Variants in SIK3 observed in about 807,000 individuals in gnomAD.
The protein encoded by SIK3 is serine/threonine-protein kinase SIK3.
SIK3 carries 28 observed loss-of-function variants against 144.2 expected under a neutral mutation model. That is an observed-to-expected ratio of 0.19 (90% CI 0.14 to 0.27). The LOEUF is 0.27. Among genes scored for constraint, SIK3 ranks in the 10% least tolerant of loss-of-function variants. The pLI, the probability that SIK3 is intolerant of heterozygous loss-of-function variation, is 1.00. For missense variants in SIK3, 1,319 were observed against 1,776.0 expected (o/e 0.74, Z 4.62); for synonymous variants, 686 against 676.3 (o/e 1.01, Z -0.22).
chr11:116,977,224 C>A (rs1385627861), intron 1 of SIK3, among the ~76,000 whole-genome samples: 2 of 141,874 alleles, frequency 1.4e-5, no homozygotes, highest in Non-Finnish European at 3.1e-5. Context: ...TCCTCCCTCC[C>A]TCCCTCCCTC....
intron 21 of SIK3, among the ~76,000 whole-genome samples, chr11:116,854,582 C>T (rs899273985): frequency 6.6e-6 from 1 of 152,130 alleles, no homozygotes; most frequent in African/African-American, 2.4e-5. Context: ...ACAGCACCTA[C>T]AGTAGAGTCT....
chr11:117,024,515 C>A (rs1484622794), intron 1 of SIK3, among the ~76,000 whole-genome samples: 1 of 152,094 alleles, frequency 6.6e-6, no homozygotes, highest in African/African-American at 2.4e-5. Context: ...TGTAAGCCTG[C>A]AACAGCTGTA....
intron 3 of SIK3, among the ~76,000 whole-genome samples, chr11:116,934,910 T>C (rs1947827168): frequency 6.6e-6 from 1 of 152,190 alleles, no homozygotes. Flanking sequence ...TGAAACCTCA[T>C]TTCTACTCAA....
intron 1 of SIK3, among the ~76,000 whole-genome samples, chr11:117,013,955 A>T (rs968932469): frequency 0.17 from 1,551 of 9,094 alleles, no homozygotes; most frequent in Non-Finnish European, 0.2. Context: ...TGTGTGTTTT[A>T]TTTCTTTTTT....
intron 1 of SIK3, among the ~76,000 whole-genome samples, chr11:116,963,099 G>A (rs980422743): frequency 6.6e-6 from 1 of 152,102 alleles, no homozygotes; most frequent in South Asian, 2.1e-4. Context: ...AAGTTACAAG[G>A]CTCTCAATGC....
Position 117,098,270 on chromosome 11 carries a change from C to G in SIK3, c.146G>C (p.Arg49Pro). The G allele has an allele frequency of 7.3e-7, 1 of 1,368,508 alleles. No individual in the cohort carries two copies. Among genetic ancestry groups the G allele is most frequent in the Non-Finnish European group, 9.5e-7 (1 of 1,051,484 alleles). The allele number at this position is 1,368,508 out of a possible 1,614,324, so 84.8% of individuals were successfully genotyped here. A position where few individuals can be genotyped will look rare whatever the true frequency, so the allele number is the denominator to read the frequency against. ...AAVSPAAGQP[R>P]PPAPASRGPM... The stretch of plus-strand genomic sequence containing the variant: ...TCCGCGGGAGGCCGGGGCTGGGGGA[C>G]GCGGCTGGCCGGCCGCAGGGGACAC... Residue 49 changes from arginine to proline, a missense_variant, in exon 1 of 25, where the codon CGT becomes CCT. This residue lies in a region of SIK3 where 114 missense variants were observed against 116.2 expected (regional missense o/e 0.98). Coordinates refer to ENST00000445177, the MANE Select transcript of SIK3 (RefSeq NM_001366686.3).
chr11:116,844,582 ATATATATATATATTT>A lies in SIK3; in HGVS notation c.*1046_*1060del, dbSNP rs1941763480. 2 of 116,764 alleles carry A rather than the reference ATATATATATATATTT, an allele frequency of 1.7e-5. No homozygotes were observed. The highest frequency in any genetic ancestry group is 3.0e-5 in the African/African-American group (1 of 32,916). The allele number at this position is 116,764 out of a possible 1,614,324, so 7.2% of individuals were successfully genotyped here. ...GACAAAGAGGCTGAAAGAGGAGAGC[ATATATATATATATTT>A]TATATATATATTATATATATAATAT... On this transcript the variant is annotated 3_prime_UTR_variant, in exon 25 of 25. Coordinates refer to ENST00000445177, the MANE Select transcript of SIK3 (RefSeq NM_001366686.3).
chr11:117,015,800 C>T (rs145133311), intron 1 of SIK3: 6,327 of 152,182 alleles, frequency 0.042, 259 homozygotes, highest in African/African-American at 0.099. Context: ...AACTCCTGAC[C>T]TCAGGTGATC....
At chr11:117,021,777 A>C (rs1591552310) in intron 1 of SIK3, among the ~76,000 whole-genome samples, 1 of 151,814 alleles carries the variant, frequency 6.6e-6, no homozygotes, top group Admixed American at 6.6e-5. Context: ...GGGCAACGTA[A>C]CAAGACGTCA....
chr11:117,036,907 T>C (rs1161963585), intron 1 of SIK3, among the ~76,000 whole-genome samples: 1 of 152,228 alleles, frequency 6.6e-6, no homozygotes. Flanking sequence ...TCATTTCTAA[T>C]GTAAGAATGG....
intron 1 of SIK3, among the ~76,000 whole-genome samples, chr11:117,027,492 CTT>C (rs770831929): frequency 1.3e-5 from 2 of 151,352 alleles, no homozygotes; most frequent in Admixed American, 6.6e-5. Context: ...GAATTTCACT[CTT>C]GTCGCCCAGG....
intron 1 of SIK3, among the ~76,000 whole-genome samples, chr11:117,060,560 G>A (rs1953747757): frequency 6.8e-6 from 1 of 147,582 alleles, no homozygotes. Flanking sequence ...GCATGCCATT[G>A]CACTCCAGCC....
rs368729211 is a variant in SIK3, at chr11:116,861,304, G to C, written c.2395C>G (p.Pro799Ala). 107 of 1,595,956 alleles carry C rather than the reference G, an allele frequency of 6.7e-5. No individual in the cohort carries two copies. Among genetic ancestry groups the C allele is most frequent in the East Asian group, 2.0e-4 (9 of 44,278 alleles). ...LFRQPSNSPP[P>A]MSSAMIQPHG... ...GGCTGGATCATGGCACTGCTCATGG[G>C]GGGAGGACTATTACTGGGCTGCCTG... The change falls in exon 19 of 25, where the codon CCC becomes GCC. Residue 799 changes from proline to alanine, a missense_variant. Coordinates refer to ENST00000445177, the MANE Select transcript of SIK3 (RefSeq NM_001366686.3).
chr11:116,863,570 C>G (rs1943466479), intron 16 of SIK3, 98 bp downstream of exon 16: 4 of 1,534,710 alleles, frequency 2.6e-6, no homozygotes, highest in Non-Finnish European at 3.6e-6. Flanking sequence ...TGCAATGTTG[C>G]TGACATAAAA....
intron 1 of SIK3, among the ~76,000 whole-genome samples, chr11:117,006,745 G>C (rs1951064497): frequency 6.6e-6 from 1 of 152,100 alleles, no homozygotes; most frequent in African/African-American, 2.4e-5. Flanking sequence ...TAGGTATTTA[G>C]CTCAGGCTGT....
chr11:117,001,421 A>C (rs897574130), intron 1 of SIK3, among the ~76,000 whole-genome samples: 4 of 152,016 alleles, frequency 2.6e-5, no homozygotes, highest in Admixed American at 1.3e-4. Context: ...CAGGAGAATC[A>C]CTTGAACCCA....
At chr11:117,094,782 A>G (rs1178886628) in intron 1 of SIK3, among the ~76,000 whole-genome samples, 1 of 152,088 alleles carries the variant, frequency 6.6e-6, no homozygotes, top group Non-Finnish European at 1.5e-5. Flanking sequence ...ACCAAAAAAA[A>G]AAACAGAGCC....
chr11:116,859,742 C>T (rs1057461773), intron 19 of SIK3, 138 bp from the exon 20 acceptor site: 14 of 711,666 alleles, frequency 2.0e-5, no homozygotes, highest in Non-Finnish European at 3.0e-5. Context: ...TAGGACAAGT[C>T]TGGAGAACTT....
chr11:116,854,952 A>G (rs1372685135), intron 21 of SIK3, among the ~76,000 whole-genome samples: 1 of 151,738 alleles, frequency 6.6e-6, no homozygotes, highest in Admixed American at 6.6e-5. Context: ...CGGGTGCGGT[A>G]GTGCACACCT....
Sources: gnomAD v4.1 joint callset for allele counts (sites outside exome capture counted in the v4.1 genomes callset) on GRCh38, gnomAD v4.1.1 for gene constraint, gnomAD v4.1.1 regional missense constraint, MANE v1.5 for transcripts, NCBI Gene and HGNC (gene_info 2026-07-23, HGNC 2026-07-21) for gene names.